The following LBR variants were observed in gnomAD, a reference collection of about 807,000 sequenced individuals.
LBR encodes lamin B receptor.
LBR carries 28 observed loss-of-function variants against 74.3 expected under a neutral mutation model. That is an observed-to-expected ratio of 0.38 (90% CI 0.28 to 0.52). The LOEUF (loss-of-function observed/expected upper bound fraction) is 0.52. LBR is among the 20% of genes least tolerant of loss of function. The pLI is 0.89. For missense variants in LBR, 717 were observed against 760.3 expected (o/e 0.94, Z 0.67); for synonymous variants, 228 against 269.3 (o/e 0.85, Z 1.50).
At chr1:225,421,040 G>A (rs1052004725) in intron 3 of LBR, among the ~76,000 whole-genome samples, 8 of 152,152 alleles carry the variant, frequency 5.3e-5, no homozygotes, top group Non-Finnish European at 8.8e-5. Flanking sequence ...TGACTTTAAC[G>A]ATTAAGTTAC....
At chr1:225,413,536 C>T (rs956446867) in intron 7 of LBR, among the ~76,000 whole-genome samples, 6 of 152,184 alleles carry the variant, frequency 3.9e-5, no homozygotes, top group Non-Finnish European at 7.3e-5. Flanking sequence ...TAAAACCAAA[C>T]CTTTTGTAAA....
Position 225,418,184 on chromosome 1 carries a change from C to G in LBR, c.641-4G>C, listed in dbSNP as rs764979267. The G allele has an allele frequency of 1.2e-6, 2 of 1,612,408 alleles. No homozygotes were observed. Among genetic ancestry groups the G allele is most frequent in the Non-Finnish European group, 1.7e-6 (2 of 1,178,842 alleles). On this transcript the variant is annotated splice_region_variant and splice_polypyrimidine_tract_variant and intron_variant, in intron 5 of 13. Coordinates refer to ENST00000272163, the MANE Select transcript of LBR (RefSeq NM_002296.4). ...CCAAACATGATGAGAAACACACCTG[C>G]AAACAATTCATGAACATTCGAGGCT...
chr1:225,403,524 C>G, intron 13 of LBR, 61 bp from the exon 14 acceptor site: 1 of 1,343,724 alleles, frequency 7.4e-7, no homozygotes, highest in South Asian at 1.2e-5. Context: ...TGTATTTTTT[C>G]CTGCTTTCCC....
At position 225,403,147 on chromosome 1, in the gene LBR, A is replaced by G; in HGVS notation, c.*156T>C. ...ATACAAGTAAACACGGCTATATTAA[A>G]AGATCAACTACTCGGCTCCATAGTC... On this transcript the variant is annotated 3_prime_UTR_variant, in exon 14 of 14. Transcript: ENST00000272163. 1 of 653,118 alleles carries G rather than the reference A, an allele frequency of 1.5e-6. No individual in the cohort carries two copies. The highest frequency in any genetic ancestry group is 2.7e-5 in the East Asian group (1 of 37,088). 40.5% of individuals were successfully genotyped at this position (653,118 alleles called of 1,614,324 possible).
intron 11 of LBR, 22 bp from the exon 12 acceptor site, chr1:225,404,728 C>A: frequency 1.3e-6 from 2 of 1,506,332 alleles, no homozygotes; most frequent in Non-Finnish European, 1.8e-6. Flanking sequence ...AAATATTTTC[C>A]TATGTTAATA....
At chr1:225,421,637 G>C (rs1239463889) in intron 3 of LBR, among the ~76,000 whole-genome samples, 1 of 152,244 alleles carries the variant, frequency 6.6e-6, no homozygotes, top group South Asian at 2.1e-4. Flanking sequence ...CATGCACCCT[G>C]ATATTTCAAA....
intron 10 of LBR, among the ~76,000 whole-genome samples, chr1:225,409,675 G>A (rs952406255): frequency 6.6e-6 from 1 of 152,156 alleles, no homozygotes; most frequent in Non-Finnish European, 1.5e-5. Flanking sequence ...AAATAAGCCT[G>A]AGGAAGACAA....
rs766491150 is a variant in LBR, at chr1:225,404,648, A to G, written c.1542T>C (p.Asn514=). 2 of 1,611,308 alleles carry G rather than the reference A, an allele frequency of 1.2e-6. No homozygotes were observed. Among genetic ancestry groups the G allele is most frequent in the East Asian group, 4.5e-5 (2 of 44,882 alleles). The change falls in exon 12 of 14, where the codon AAT becomes AAC. Residue 514 remains asparagine, a synonymous_variant. Coordinates refer to ENST00000272163, the MANE Select transcript of LBR (RefSeq NM_002296.4). ...ANSQKNAFRK[N]PSDPKLAHLK... ...TACGTGCAAGCTTTGGATCACTGGG[A>G]TTTTTCCGGAATGCATTTTTCTGAG...
intron 13 of LBR, among the ~76,000 whole-genome samples, chr1:225,404,068 T>C (rs1262371248): frequency 6.6e-6 from 1 of 152,088 alleles, no homozygotes; most frequent in Non-Finnish European, 1.5e-5. Context: ...AATCTCTTTC[T>C]CTTCTTAAAA....
At chr1:225,425,560 G>A (rs2096137488) in intron 1 of LBR, among the ~76,000 whole-genome samples, 1 of 152,120 alleles carries the variant, frequency 6.6e-6, no homozygotes, top group Non-Finnish European at 1.5e-5. Context: ...GGAGCAGGGG[G>A]GCAGTGAACA....
At chr1:225,419,924 G>T in intron 3 of LBR, 126 bp from the exon 4 acceptor site, 2 of 720,186 alleles carry the variant, frequency 2.8e-6, no homozygotes, top group Middle Eastern at 2.9e-4. Flanking sequence ...TAATTCTGAC[G>T]AATTTAACCC....
chr1:225,424,155 CA>C, intron 1 of LBR, 66 bp from the exon 2 acceptor site: 1 of 1,193,406 alleles, frequency 8.4e-7, no homozygotes, highest in Non-Finnish European at 1.3e-6. Flanking sequence ...TCTTTTTCCA[CA>C]GGCTGATCAC....
rs533411368 is a variant in LBR at position 225,404,573 on chromosome 1, A to G, written c.1565-47T>C. The G allele has an allele frequency of 2.5e-6, 4 of 1,569,592 alleles. No individual in the cohort carries two copies. The African/African-American group carries it at 5.5e-5, about 22-fold the overall frequency. On this transcript the variant is annotated intron_variant, in intron 12 of 13. Transcript: ENST00000272163. ...TTTTTAATGATGTCGAGACAAAAAG[A>G]AAAATAAAACCTTCATGTAATATAT...
Position 225,419,429 on chromosome 1 carries a change from T to C in LBR, c.474A>G (p.Glu158=). Residue 158 remains glutamate, a synonymous_variant, in exon 5 of 14, where the codon GAA becomes GAG. Coordinates refer to ENST00000272163, the MANE Select transcript of LBR (RefSeq NM_002296.4). The part of the protein sequence containing the change: ...NTQEKFSLSQ[E]SSYIATQYSL... The stretch of plus-strand genomic sequence containing the variant: ...TATACTGTGTTGCTATGTAACTGCT[T>C]TCTTGTGACAAACTGAATTTTTCCT... The C allele has an allele frequency of 6.2e-7, 1 of 1,612,988 alleles. No homozygotes were observed. The highest frequency in any genetic ancestry group is 8.5e-7 in the Non-Finnish European group (1 of 1,179,010).
chr1:225,424,469 T>C (rs949925458), intron 1 of LBR, among the ~76,000 whole-genome samples: 1 of 152,270 alleles, frequency 6.6e-6, no homozygotes, highest in Non-Finnish European at 1.5e-5. Flanking sequence ...TTAATTGTAT[T>C]TTTAACAAAT....
At chr1:225,410,861 G>A (rs140428524) in intron 9 of LBR, among the ~76,000 whole-genome samples, 11 of 152,336 alleles carry the variant, frequency 7.2e-5, no homozygotes, top group African/African-American at 1.9e-4. Flanking sequence ...TGGTGAACTC[G>A]ACTGAGGCCT....
chr1:225,419,406 T>C lies in LBR; in HGVS notation c.497A>G (p.Tyr166Cys). The stretch of plus-strand genomic sequence containing the variant: ...TTCTTCTCTTCTTGGACGAAGGCTA[T>C]ACTGTGTTGCTATGTAACTGCTTTC... Reference protein sequence around the residue: ...SQESSYIATQYSLRPRREEVK... With the variant: ...SQESSYIATQCSLRPRREEVK... The change falls in exon 5 of 14, where the codon TAT becomes TGT. Residue 166 changes from tyrosine to cysteine, a missense_variant. Coordinates refer to ENST00000272163, the MANE Select transcript of LBR (RefSeq NM_002296.4). 2 of 1,613,696 alleles carry C rather than the reference T, an allele frequency of 1.2e-6. No homozygotes were observed. Among genetic ancestry groups the C allele is most frequent in the Non-Finnish European group, 1.7e-6 (2 of 1,179,544 alleles).
In LBR at chr1:225,403,455, G is replaced by A. The variant is rs755731775; in HGVS notation, c.1696C>T (p.His566Tyr). 4.4e-6 allele frequency: 7 copies of A among 1,608,290 alleles called. No individual in the cohort carries two copies. The Admixed American group carries it at 1.2e-4, about 27-fold the overall frequency. ...ATTATGTAGAAATAAGGCAGAATGT[G>A]GTTAAAACCTGTGGATAATAATAGT... ...LAWSLPCGFN[H>Y]ILPYFYIIYF... The change falls in exon 14 of 14, where the codon CAC becomes TAC. Residue 566 changes from histidine (H) to tyrosine (Y), a missense_variant. Transcript: ENST00000272163.
upstream of LBR, among the ~76,000 whole-genome samples, chr1:225,428,293 C>T (rs1251674712): frequency 1.3e-5 from 2 of 152,052 alleles, no homozygotes; most frequent in Non-Finnish European, 2.9e-5. Flanking sequence ...TCTGGCGGGG[C>T]GGCCCGGAGC....
Sources: allele counts gnomAD v4.1 joint callset (sites outside exome capture counted in the v4.1 genomes callset), GRCh38; gene constraint gnomAD v4.1.1; transcripts MANE v1.5; gene names NCBI Gene and HGNC (gene_info 2026-07-23, HGNC 2026-07-21).